DUOX2: variants seen among roughly 807,000 people sequenced by gnomAD.
The protein encoded by DUOX2 is NADH/NADPH thyroid oxidase p138-tox.
DUOX2 carries 185 observed loss-of-function variants against 183.3 expected under a neutral mutation model. The ratio of observed to expected loss-of-function variants is 1.01; its 90% CI spans 0.90 to 1.14. The LOEUF (loss-of-function observed/expected upper bound fraction) is 1.14, where lower values mean the gene tolerates loss of function less well. DUOX2 is among the 50% of genes most tolerant of loss of function. The probability of loss-of-function intolerance (pLI) is 0.00; values close to 1 mark genes in which losing one functional copy is unlikely to be tolerated. For missense variants in DUOX2, 1,999 were observed against 2,022.9 expected, an observed-to-expected ratio of 0.99 and a Z score of 0.23; for synonymous variants, 788 against 812.4, an observed-to-expected ratio of 0.97 and a Z score of 0.51.
chr15:45,111,314 C>T, intron 6 of DUOX2, 37 bp from the exon 7 acceptor site: 1 of 1,380,616 alleles, frequency 7.2e-7, no homozygotes, highest in Non-Finnish European at 9.5e-7. Context: ...AGGAGACGAG[C>T]GGTAGCGTGA....
At chr15:45,094,909 T>C in intron 32 of DUOX2, 27 bp downstream of exon 32, 1 of 1,612,886 alleles carries the variant, frequency 6.2e-7, no homozygotes, top group Non-Finnish European at 8.5e-7. Flanking sequence ...CCCGCCAAGT[T>C]GCCCTGCCTG....
At chr15:45,110,732 G>A (rs1249795651) in intron 7 of DUOX2, 22 bp from the exon 8 acceptor site, 1 of 1,612,032 alleles carries the variant, frequency 6.2e-7, no homozygotes, top group Non-Finnish European at 8.5e-7. Flanking sequence ...AGAGGGGCGA[G>A]GGGAGGCACA....
At position 45,100,142 on chromosome 15, in the gene DUOX2, T is replaced by A; in HGVS notation, c.3092A>T (p.Tyr1031Phe). ...CCGGTAGTTCTCCACGAAGCGCTTG[T>A]ACTGCTGCAGCTTTTGGGCTAGGAA... ...RGFLAQKLQQ[Y>F]KRFVENYRRH... The change falls in exon 24 of 34, where the codon TAC (tyrosine) becomes TTC (phenylalanine). Residue 1031 changes from tyrosine to phenylalanine, a missense_variant. Tyr to Phe is a conservative substitution (Grantham distance 22, BLOSUM62 3). Coordinates refer to ENST00000389039, the MANE Select transcript of DUOX2 (RefSeq NM_001363711.2). The A allele has an allele frequency of 6.2e-7, 1 of 1,614,234 alleles. No individual in the cohort carries two copies. The highest frequency in any genetic ancestry group is 8.5e-7 in the Non-Finnish European group (1 of 1,180,042).
chr15:45,094,749 C>G, intron 32 of DUOX2, 58 bp from the exon 33 acceptor site: 11 of 1,608,644 alleles, frequency 6.8e-6, no homozygotes, highest in Non-Finnish European at 9.3e-6. Flanking sequence ...TCAGCCCGAG[C>G]CAGCCCACAT....
rs775396667 is a variant in DUOX2, at chr15:45,106,555, T to C, written c.1918A>G (p.Lys640Glu). ...GGCACTCCATCTTTGGCTGCTTCCT[T>C]CTTCACGCTCTCTTTGAGTTTCTTT... ...LQKKLKESVK[K>E]EAAKDGVPAM... is the part of the protein sequence containing the mutation. Residue 640 changes from lysine to glutamate, a missense_variant, in exon 16 of 34, where the codon AAG (lysine) becomes GAG (glutamate). Coordinates refer to ENST00000389039, the MANE Select transcript of DUOX2 (RefSeq NM_001363711.2). The C allele has an allele frequency of 6.2e-7, 1 of 1,614,170 alleles. No homozygotes were observed. Among genetic ancestry groups the C allele is most frequent in the Admixed American group, 1.7e-5 (1 of 60,028 alleles).
At chr15:45,095,739 G>A (rs1003222289) in intron 30 of DUOX2, 89 bp downstream of exon 30, 20 of 1,536,710 alleles carry the variant, frequency 1.3e-5, no homozygotes, top group Middle Eastern at 3.4e-4. Flanking sequence ...GCTTTGGGAC[G>A]GCTGGAGCTT....
chr15:45,095,738 C>T (rs777150757), intron 30 of DUOX2, 90 bp downstream of exon 30: 195 of 1,535,566 alleles, frequency 1.3e-4, no homozygotes, highest in South Asian at 1.6e-4. Flanking sequence ...GGCTTTGGGA[C>T]GGCTGGAGCT....
rs757422008 is a variant in DUOX2, at chr15:45,097,731, A to G, written c.3576T>C (p.Gly1192=). The change falls in exon 28 of 34, where the codon GGT becomes GGC. Residue 1192 remains glycine, a synonymous_variant. Coordinates refer to ENST00000389039, the MANE Select transcript of DUOX2 (RefSeq NM_001363711.2). ...TGGCCAGGACCAGGAGCAGAAGCACACCTGTCATACCTGGGGGCAGGAAGA... is the reference window on the plus strand; with the variant it reads ...TGGCCAGGACCAGGAGCAGAAGCACGCCTGTCATACCTGGGGGCAGGAAGA... ...WFFQTVPGMT[G]VLLLLVLAIM... 1.9e-6 allele frequency: 3 copies of G among 1,614,174 alleles called. No homozygotes were observed. The highest frequency in any genetic ancestry group is 2.2e-5 in the South Asian group (2 of 91,082).
chr15:45,102,828 A>G (rs1894116800), intron 20 of DUOX2, among the ~76,000 whole-genome samples: 1 of 152,152 alleles, frequency 6.6e-6, no homozygotes, highest in South Asian at 2.1e-4. Context: ...CTAAAAATAC[A>G]AAAATTAGCT....
chr15:45,097,655 A>G lies in DUOX2; in HGVS notation c.3652T>C (p.Phe1218Leu). 1 of 1,614,200 alleles carries G rather than the reference A, an allele frequency of 6.2e-7. No homozygotes were observed. Among genetic ancestry groups the G allele is most frequent in the Non-Finnish European group, 8.5e-7 (1 of 1,180,038 alleles). ...ATGTAGAGGTGGTGGGTCAGCCAGA[A>G]GCCCCGGAAGCTGCGGCGGCGGAAG... is the stretch of plus-strand genomic sequence containing the variant. ...HHFRRRSFRGFWLTHHLYILL... is the reference protein window; with the variant it reads ...HHFRRRSFRGLWLTHHLYILL... The change falls in exon 28 of 34, where the codon TTC becomes CTC. Residue 1218 changes from phenylalanine (F) to leucine (L), a missense_variant. By Grantham distance (22) the Phe-to-Leu change is conservative. Coordinates refer to ENST00000389039, the MANE Select transcript of DUOX2 (RefSeq NM_001363711.2).
At chr15:45,109,862 C>A (rs762093154) in intron 10 of DUOX2, 28 bp downstream of exon 10, 2 of 1,607,590 alleles carry the variant, frequency 1.2e-6, no homozygotes, top group East Asian at 4.5e-5. Flanking sequence ...CTTGACCCAT[C>A]TTCCCCTGAC....
Position 45,112,614 on chromosome 15 carries a change from T to C in DUOX2, c.265A>G (p.Thr89Ala), listed in dbSNP as rs1285286262. 3 of 1,612,822 alleles carry C rather than the reference T, an allele frequency of 1.9e-6. No homozygotes were observed. Among genetic ancestry groups the C allele is most frequent in the Non-Finnish European group, 1.7e-6 (2 of 1,179,784 alleles). The part of the protein sequence containing the change: ...PNPRRLSNAA[T>A]RGIAGLPSLH... ...GACGGCAGGCCGGCTATGCCCCGCG[T>C]GGCTGCGTTGCTGAGCCGGCGCGGG... Residue 89 changes from threonine to alanine, a missense_variant, in exon 4 of 34, where the codon ACG becomes GCG. Physicochemically the swap from Thr to Ala is moderately conservative, Grantham distance 58. Around this residue, in one of 3 missense-constraint regions of DUOX2, gnomAD observed 356 missense variants for 356.4 expected, o/e 1.00. Coordinates refer to ENST00000389039, the MANE Select transcript of DUOX2 (RefSeq NM_001363711.2).
At chr15:45,104,391 G>C in intron 18 of DUOX2, 26 bp from the exon 19 acceptor site, 1 of 1,608,844 alleles carries the variant, frequency 6.2e-7, no homozygotes, top group Non-Finnish European at 8.5e-7. Context: ...AGCAGAGGGA[G>C]GGAAAGAGAA....
intron 8 of DUOX2, 57 bp from the exon 9 acceptor site, chr15:45,110,581 C>T: frequency 6.2e-7 from 1 of 1,613,804 alleles, no homozygotes; most frequent in Non-Finnish European, 8.5e-7. Context: ...CACATCCTCC[C>T]ATCACAGGCA....
In DUOX2 at chr15:45,108,045, A is replaced by G. The variant is rs1255838105; in HGVS notation, c.1574+2T>C. On this transcript the variant is annotated splice_donor_variant, in intron 13 of 33. Transcript: ENST00000389039. LOFTEE classifies it high-confidence loss of function. ...TGAGGTGGGGGCCCAGGCAAGCCTTACCCATTCCTGGTGTTCTCAAACCAG... is the reference window on the plus strand; with the variant it reads ...TGAGGTGGGGGCCCAGGCAAGCCTTGCCCATTCCTGGTGTTCTCAAACCAG... 3 of 1,613,878 alleles carry G rather than the reference A, an allele frequency of 1.9e-6. No homozygotes were observed. Among genetic ancestry groups the G allele is most frequent in the Admixed American group, 3.3e-5 (2 of 59,990 alleles).
Position 45,100,832 on chromosome 15 carries a change from G to T in DUOX2, c.2928C>A (p.His976Gln). 1 of 1,609,736 alleles carries T rather than the reference G, an allele frequency of 6.2e-7. No individual in the cohort carries two copies. Among genetic ancestry groups the T allele is most frequent in the Non-Finnish European group, 8.5e-7 (1 of 1,176,176 alleles). ...GGGCAGGGGGCCCCAGTCCCTGGGGGTGGGAGCTGAGAAAAAGAAATGGGG... is the reference window on the plus strand; with the variant it reads ...GGGCAGGGGGCCCCAGTCCCTGGGGTTGGGAGCTGAGAAAAAGAAATGGGG... The part of the protein sequence containing the change: ...FITRTPGERS[H>Q]PQGLGPPAPE... The change falls in exon 23 of 34, where the codon CAC (histidine) becomes CAA (glutamine). Residue 976 changes from histidine (H) to glutamine (Q), a missense_variant. Physicochemically the swap from His to Gln is conservative, Grantham distance 24. Transcript: ENST00000389039.
At chr15:45,113,533 G>T in intron 1 of DUOX2, 108 bp from the exon 2 acceptor site, 1 of 871,336 alleles carries the variant, frequency 1.1e-6, no homozygotes, top group Non-Finnish European at 1.8e-6. Flanking sequence ...AGGAGCACCA[G>T]CTGTTTCCAC....
Position 45,101,225 on chromosome 15 carries a change from G to A in DUOX2, c.2901C>T (p.Ile967=). Residue 967 remains isoleucine (I), a synonymous_variant, in exon 22 of 34, where the codon ATC becomes ATT. Transcript: ENST00000389039. ...CTCACCGCTCCCCAGGTGTCCGAGT[G>A]ATGAACGAGACTCGACAGCTGATGT... The part of the protein sequence containing the change: ...KQNISCRVSF[I]TRTPGERSHP... The A allele has an allele frequency of 1.9e-6, 3 of 1,613,796 alleles. No homozygotes were observed. The highest frequency in any genetic ancestry group is 2.5e-6 in the Non-Finnish European group (3 of 1,179,938).
rs760793351 is a variant in DUOX2, at chr15:45,111,487, C to G, written c.612G>C (p.Ala204=). 11 of 1,550,918 alleles carry G rather than the reference C, an allele frequency of 7.1e-6. No individual in the cohort carries two copies. The highest frequency in any genetic ancestry group is 8.7e-6 in the Non-Finnish European group (10 of 1,150,714). ...GGGGGAAAGCGGGGTCGGGCCCCGA[C>G]GCCAGCTGTCCCCCCGAGAAGCTCC... ...ALRSFSGGQL[A]SGPDPAFPRD... The change falls in exon 6 of 34, where the codon GCG becomes GCC. Residue 204 remains alanine (A), a synonymous_variant. Coordinates refer to ENST00000389039, the MANE Select transcript of DUOX2 (RefSeq NM_001363711.2).
Sources: gnomAD v4.1 joint callset for allele counts (sites outside exome capture counted in the v4.1 genomes callset) on GRCh38, gnomAD v4.1.1 for gene constraint, gnomAD v4.1.1 regional missense constraint, MANE v1.5 for transcripts, NCBI Gene and HGNC (gene_info 2026-07-23, HGNC 2026-07-21) for gene names.